The following PAK5 variants were observed in gnomAD, a reference collection of about 807,000 sequenced individuals.
The protein encoded by PAK5 is serine/threonine-protein kinase PAK 5.
In PAK5, 16 loss-of-function variants were observed where a neutral mutation model predicts 65.9. The observed-to-expected ratio is 0.24, with a 90% CI of 0.16 to 0.37. PAK5 has a LOEUF of 0.37. PAK5 is among the 10% of genes least tolerant of loss of function. The pLI, the probability that PAK5 is intolerant of heterozygous loss-of-function variation, is 1.00. For missense variants in PAK5, 785 were observed against 903.9 expected (o/e 0.87, Z 1.69); for synonymous variants, 371 against 354.9 (o/e 1.05, Z -0.51).
chr20:9,554,466 A>G (rs894162407), intron 7 of PAK5, among the ~76,000 whole-genome samples: 1 of 151,534 alleles, frequency 6.6e-6, no homozygotes, highest in Non-Finnish European at 1.5e-5. Context: ...GTGAGTGAGG[A>G]TGACTTCCAG....
intron 3 of PAK5, among the ~76,000 whole-genome samples, chr20:9,584,509 C>T (rs1329697252): frequency 1.3e-5 from 2 of 152,112 alleles, no homozygotes; most frequent in Admixed American, 1.3e-4. Context: ...GACAGGGTTT[C>T]ACCATGTTGG....
chr20:9,755,004 A>G (rs1049426143), intron 1 of PAK5, among the ~76,000 whole-genome samples: 1 of 152,222 alleles, frequency 6.6e-6, no homozygotes, highest in Non-Finnish European at 1.5e-5. Flanking sequence ...GATTTTAAGG[A>G]TTGCATCAGC....
intron 1 of PAK5, among the ~76,000 whole-genome samples, chr20:9,835,433 T>C (rs1478990349): frequency 6.6e-6 from 1 of 152,094 alleles, no homozygotes; most frequent in African/African-American, 2.4e-5. Flanking sequence ...AGAGGGTCAG[T>C]GTGACAGCAT....
At chr20:9,744,012 G>T (rs547472926) in intron 1 of PAK5, among the ~76,000 whole-genome samples, 10 of 152,294 alleles carry the variant, frequency 6.6e-5, no homozygotes, top group African/African-American at 2.4e-4. Flanking sequence ...TGAAGAGAGG[G>T]ATTTGAAGAT....
chr20:9,808,394 T>A (rs2049258382), intron 1 of PAK5, among the ~76,000 whole-genome samples: 1 of 152,166 alleles, frequency 6.6e-6, no homozygotes, highest in African/African-American at 2.4e-5. Flanking sequence ...CACTTCTAGG[T>A]AAGTACCCAA....
chr20:9,679,477 T>C (rs2047620889), intron 2 of PAK5, among the ~76,000 whole-genome samples: 1 of 152,222 alleles, frequency 6.6e-6, no homozygotes, highest in Admixed American at 6.5e-5. Flanking sequence ...TGTGCATCTG[T>C]CTCTTCCATT....
At chr20:9,674,291 C>A (rs555651884) in intron 2 of PAK5, among the ~76,000 whole-genome samples, 2 of 152,104 alleles carry the variant, frequency 1.3e-5, no homozygotes, top group East Asian at 3.9e-4. Flanking sequence ...CCAAGAGAGT[C>A]TCTGATTACT....
intron 2 of PAK5, among the ~76,000 whole-genome samples, chr20:9,656,547 AGTG>A (rs2047270859): frequency 1.3e-5 from 2 of 152,196 alleles, no homozygotes. Flanking sequence ...TAGGCAAGGT[AGTG>A]GTGTTTGAGA....
intron 3 of PAK5, among the ~76,000 whole-genome samples, chr20:9,596,660 A>AAAAAAC: frequency 6.7e-6 from 1 of 149,406 alleles, no homozygotes; most frequent in Non-Finnish European, 1.5e-5. Flanking sequence ...AAAAAAAAAA[A>AAAAAAC]GACTACAGAG....
chr20:9,540,532 C>T (rs111593596), intron 9 of PAK5, among the ~76,000 whole-genome samples: 134 of 152,278 alleles, frequency 8.8e-4, no homozygotes, highest in African/African-American at 3.0e-3. Context: ...TCATCTCCGA[C>T]GTGTGGCAAA....
chr20:9,769,021 T>C (rs1261551418), intron 1 of PAK5, among the ~76,000 whole-genome samples: 2 of 152,230 alleles, frequency 1.3e-5, no homozygotes, highest in Non-Finnish European at 2.9e-5. Context: ...TCAAGGACTA[T>C]GCCTCCCTAA....
In PAK5 at chr20:9,839,015, A is replaced by G. The variant is rs900223418; in HGVS notation, c.-415T>C. 6 of 151,122 alleles carry G rather than the reference A, an allele frequency of 4.0e-5. No individual in the cohort carries two copies. The highest frequency in any genetic ancestry group is 8.8e-5 in the Non-Finnish European group (6 of 68,044). 9.4% of individuals were successfully genotyped at this position (151,122 alleles called of 1,614,324 possible). ...TTCGCCCCTCGGAGGACTGTCCATG[A>G]GCGTACGCAGCTGCTCCGGGTTTTC... On this transcript the variant is annotated 5_prime_UTR_variant, in exon 1 of 10. Transcript: ENST00000353224.
chr20:9,717,744 C>G (rs901816464), intron 1 of PAK5, among the ~76,000 whole-genome samples: 1 of 152,156 alleles, frequency 6.6e-6, no homozygotes, highest in South Asian at 2.1e-4. Flanking sequence ...CTCAGCCTCC[C>G]GAGTGGCTGG....
At chr20:9,797,876 A>G (rs2049123252) in intron 1 of PAK5, among the ~76,000 whole-genome samples, 1 of 152,050 alleles carries the variant, frequency 6.6e-6, no homozygotes, top group Non-Finnish European at 1.5e-5. Context: ...TAGATATAAA[A>G]TAAAGGATTC....
intron 2 of PAK5, among the ~76,000 whole-genome samples, chr20:9,675,063 G>A (rs2047550936): frequency 6.6e-6 from 1 of 152,128 alleles, no homozygotes. Context: ...AGGAACTCTG[G>A]CTCCTGAGGA....
At chr20:9,826,889 C>T (rs1466833159) in intron 1 of PAK5, among the ~76,000 whole-genome samples, 1 of 152,152 alleles carries the variant, frequency 6.6e-6, no homozygotes, top group Admixed American at 6.5e-5. Flanking sequence ...TAAGCTGCAT[C>T]TAGCAATCAA....
chr20:9,545,627 C>A (rs969380983), intron 7 of PAK5, among the ~76,000 whole-genome samples: 45 of 152,034 alleles, frequency 3.0e-4, no homozygotes, highest in African/African-American at 1.0e-3. Context: ...ATTGGGGTTC[C>A]CTAGGGTTCT....
intron 3 of PAK5, among the ~76,000 whole-genome samples, chr20:9,598,868 T>C (rs1355407988): frequency 2.0e-5 from 3 of 152,368 alleles, no homozygotes; most frequent in East Asian, 3.8e-4. Flanking sequence ...TATACTGTGG[T>C]AAAATATACA....
At chr20:9,803,799 A>C (rs528878169) in intron 1 of PAK5, among the ~76,000 whole-genome samples, 1 of 152,182 alleles carries the variant, frequency 6.6e-6, no homozygotes, top group East Asian at 1.9e-4. Context: ...AGCACTCCTA[A>C]CTCCATGTCT....
Sources: gnomAD v4.1 joint callset for allele counts (sites outside exome capture counted in the v4.1 genomes callset) on GRCh38, gnomAD v4.1.1 for gene constraint, MANE v1.5 for transcripts, NCBI Gene and HGNC (gene_info 2026-07-23, HGNC 2026-07-21) for gene names.